The following EPC1 variants were observed in gnomAD, a reference collection of about 807,000 sequenced individuals.
The protein encoded by EPC1 is enhancer of polycomb homolog 1.
In EPC1, 12 loss-of-function variants were observed where a neutral mutation model predicts 98.4. The ratio of observed to expected loss-of-function variants is 0.12; its 90% CI spans 0.08 to 0.20. The LOEUF (loss-of-function observed/expected upper bound fraction) is 0.20, where lower values mean the gene tolerates loss of function less well. Among genes scored for constraint, EPC1 ranks in the 10% least tolerant of loss-of-function variants. EPC1 has a pLI of 1.00. For missense variants in EPC1, 729 were observed against 990.5 expected, an observed-to-expected ratio of 0.74 and a Z score of 3.54; for synonymous variants, 357 against 363.9, an observed-to-expected ratio of 0.98 and a Z score of 0.21.
chr10:32,320,609 T>C (rs1836852024), intron 1 of EPC1, among the ~76,000 whole-genome samples: 1 of 152,218 alleles, frequency 6.6e-6, no homozygotes, highest in African/African-American at 2.4e-5. Flanking sequence ...CTTTTTCTTT[T>C]TTTTTGAGAC....
chr10:32,307,628 T>C (rs993973170), intron 1 of EPC1, among the ~76,000 whole-genome samples: 3 of 152,200 alleles, frequency 2.0e-5, no homozygotes, highest in South Asian at 2.1e-4. Flanking sequence ...TATGTGTGTA[T>C]ATGGGGTGGG....
At chr10:32,340,876 C>G (rs1455905369) in intron 1 of EPC1, among the ~76,000 whole-genome samples, 1 of 151,908 alleles carries the variant, frequency 6.6e-6, no homozygotes, top group Non-Finnish European at 1.5e-5. Context: ...CATTTGAATC[C>G]CTTGTCTTCT....
chr10:32,289,359 T>C (rs1483392362), intron 6 of EPC1, among the ~76,000 whole-genome samples: 1 of 120,006 alleles, frequency 8.3e-6, no homozygotes, highest in Non-Finnish European at 1.7e-5. Context: ...AAAAAAAAAG[T>C]CCATGTTTTT....
Position 32,272,058 on chromosome 10 carries a change from C to A in EPC1, c.1973G>T (p.Gly658Val). The A allele has an allele frequency of 6.2e-7, 1 of 1,613,736 alleles. No homozygotes were observed. Among genetic ancestry groups the A allele is most frequent in the Non-Finnish European group, 8.5e-7 (1 of 1,179,926 alleles). The change falls in exon 12 of 14, where the codon GGA becomes GTA. Residue 658 changes from glycine to valine, a missense_variant. Coordinates refer to ENST00000319778, the MANE Select transcript of EPC1 (RefSeq NM_001272004.3). ...TGGAAGGACGCCATTCACCCCGATT[C>A]CAAGCACCACATCATCCTTCATCTT... is the stretch of plus-strand genomic sequence containing the variant. Reference protein sequence around the residue: ...GFKMKDDVVLGIGVNGVLPAS... With the variant: ...GFKMKDDVVLVIGVNGVLPAS...
chr10:32,355,839 G>T (rs1025491722), intron 1 of EPC1, among the ~76,000 whole-genome samples: 1 of 152,174 alleles, frequency 6.6e-6, no homozygotes, highest in Non-Finnish European at 1.5e-5. Context: ...TTGAACTCCA[G>T]ACCGCAGGTG....
intron 1 of EPC1, 147 bp from the exon 2 acceptor site, chr10:32,306,078 C>A: frequency 1.5e-6 from 1 of 660,430 alleles, no homozygotes; most frequent in Non-Finnish European, 2.3e-6. Flanking sequence ...TAACACGATA[C>A]AACTAGTGAT....
In EPC1 at chr10:32,363,103, T is replaced by G. The variant is rs549748734; in HGVS notation, c.3+15388A>C. 3.9e-5 allele frequency among the ~76,000 whole-genome samples: 6 copies of G among 152,298 alleles called. No homozygotes were observed. In the East Asian group the frequency reaches 1.2e-3, roughly 29 times the overall value. On this transcript the variant is annotated intron_variant, in intron 1 of 13. Coordinates refer to the EPC1 transcript ENST00000375110. ...TCTTTATTACCTGAGAGACAGGGTT[T>G]CACTCTGTCACCTGGGCTAGAGTGC...
At chr10:32,311,174 G>A (rs1238674182) in intron 1 of EPC1, among the ~76,000 whole-genome samples, 1 of 151,918 alleles carries the variant, frequency 6.6e-6, no homozygotes, top group South Asian at 2.1e-4. Context: ...TTAGCCGGGT[G>A]TGGTGGTGGG....
intron 1 of EPC1, among the ~76,000 whole-genome samples, chr10:32,355,447 G>A (rs970748318): frequency 2.6e-5 from 4 of 152,034 alleles, no homozygotes; most frequent in African/African-American, 7.3e-5. Context: ...AATATTTGGT[G>A]GTATTTATCT....
At chr10:32,342,008 T>C (rs1034695670) in intron 1 of EPC1, among the ~76,000 whole-genome samples, 4 of 152,242 alleles carry the variant, frequency 2.6e-5, no homozygotes, top group Non-Finnish European at 4.4e-5. Context: ...CTCAGAACCC[T>C]AGCTTAGCAA....
intron 1 of EPC1, among the ~76,000 whole-genome samples, chr10:32,367,935 T>C (rs2133116443): frequency 6.6e-6 from 1 of 152,232 alleles, no homozygotes; most frequent in East Asian, 1.9e-4. Flanking sequence ...AAACTCATAA[T>C]TGTCAGGAAA....
At chr10:32,375,391 A>C (rs1839850819) in intron 1 of EPC1, among the ~76,000 whole-genome samples, 1 of 151,966 alleles carries the variant, frequency 6.6e-6, no homozygotes. Context: ...TCATCTAATG[A>C]GTTTGGCTAA....
At chr10:32,372,850 A>G (rs1592644789) in intron 1 of EPC1, among the ~76,000 whole-genome samples, 1 of 152,048 alleles carries the variant, frequency 6.6e-6, no homozygotes, top group East Asian at 1.9e-4. Context: ...GCAAAATCCC[A>G]TCTCTACTAA....
intron 6 of EPC1, among the ~76,000 whole-genome samples, chr10:32,289,452 T>C (rs1836876450): frequency 1.2e-5 from 1 of 85,096 alleles, no homozygotes; most frequent in Non-Finnish European, 2.6e-5. Flanking sequence ...GGGGAAATCA[T>C]CATTCATTCT....
At chr10:32,279,062 A>G (rs1836256312) in intron 10 of EPC1, among the ~76,000 whole-genome samples, 1 of 152,200 alleles carries the variant, frequency 6.6e-6, no homozygotes, top group Admixed American at 6.5e-5. Flanking sequence ...AGTAAAAAAA[A>G]TTCTGAGGCT....
chr10:32,372,317 G>A (rs537980036), intron 1 of EPC1, among the ~76,000 whole-genome samples: 4 of 152,224 alleles, frequency 2.6e-5, no homozygotes, highest in South Asian at 2.1e-4. Flanking sequence ...ACAAAACCCC[G>A]CAAAATGTCC....
At chr10:32,342,491 T>G (rs1325185719) in intron 1 of EPC1, among the ~76,000 whole-genome samples, 2 of 152,190 alleles carry the variant, frequency 1.3e-5, no homozygotes, top group Non-Finnish European at 2.9e-5. Context: ...AACTTGGGCT[T>G]AGTAACAATG....
chr10:32,278,044 A>G (rs1836189079), intron 10 of EPC1, among the ~76,000 whole-genome samples: 1 of 152,128 alleles, frequency 6.6e-6, no homozygotes, highest in Non-Finnish European at 1.5e-5. Flanking sequence ...TGCTAAGGAA[A>G]CATTCAGCCG....
chr10:32,374,852 G>A lies in EPC1; in HGVS notation c.3+3639C>T, dbSNP rs973729811. The stretch of plus-strand genomic sequence containing the variant: ...TATCAGAATGATACATAATAGATGG[G>A]GGAAGATCTAGAATAAACAAACCCC... On this transcript the variant is annotated intron_variant, in intron 1 of 13. Transcript: ENST00000375110. Among the ~76,000 whole-genome samples, 3 of 151,736 alleles carry A rather than the reference G, an allele frequency of 2.0e-5. No homozygotes were observed. In the South Asian group the frequency reaches 6.2e-4, roughly 32 times the overall value.
Sources: gnomAD v4.1 joint callset for allele counts (sites outside exome capture counted in the v4.1 genomes callset) on GRCh38, gnomAD v4.1.1 for gene constraint, MANE v1.5 for transcripts, NCBI Gene and HGNC (gene_info 2026-07-23, HGNC 2026-07-21) for gene names.